Variants in ADAMTS18 observed in about 807,000 individuals in gnomAD.
ADAMTS18 encodes A disintegrin and metalloproteinase with thrombospondin motifs 18.
Under a neutral mutation model 165.9 loss-of-function variants are expected in ADAMTS18, and 157 were observed. The ratio of observed to expected loss-of-function variants is 0.95; its 90% CI spans 0.83 to 1.08. ADAMTS18 has a LOEUF of 1.08. ADAMTS18 is among the 50% of genes least tolerant of loss of function. The probability of loss-of-function intolerance (pLI) is 0.00; values close to 1 mark genes in which losing one functional copy is unlikely to be tolerated. For synonymous variants in ADAMTS18, 782 were observed against 578.2 expected, an observed-to-expected ratio of 1.35 and a Z score of -5.06; for missense variants, 2,040 against 1,534.0, an observed-to-expected ratio of 1.33 and a Z score of -5.51.
intron 3 of ADAMTS18, among the ~76,000 whole-genome samples, chr16:77,422,239 C>T (rs180908603): frequency 3.6e-4 from 55 of 152,042 alleles, no homozygotes; most frequent in East Asian, 1.4e-3. Flanking sequence ...AGGTGAGAGA[C>T]CATATAAAGC....
At chr16:77,302,905 T>C (rs2055611899) in intron 16 of ADAMTS18, among the ~76,000 whole-genome samples, 1 of 152,172 alleles carries the variant, frequency 6.6e-6, no homozygotes, top group Non-Finnish European at 1.5e-5. Context: ...AGAAAAAGAC[T>C]GTGATGATAA....
chr16:77,430,615 C>T (rs947099790), intron 3 of ADAMTS18, among the ~76,000 whole-genome samples: 3 of 152,162 alleles, frequency 2.0e-5, no homozygotes, highest in Non-Finnish European at 4.4e-5. Flanking sequence ...TTTACCGCCT[C>T]GTATATTTGA....
chr16:77,434,430 C>T lies in ADAMTS18; in HGVS notation c.166G>A (p.Gly56Arg), dbSNP rs201304352. ...LASDSSSGAS[G>R]LNDDYVFVTP... Reference sequence around the variant, plus strand: ...GGCAAATACGAACCATCATTTAATCCGCTGGCGCCGCTGCTGCTGTCACTG... The same window carrying T: ...GGCAAATACGAACCATCATTTAATCTGCTGGCGCCGCTGCTGCTGTCACTG... The change falls in exon 2 of 23, where the codon GGA becomes AGA. Residue 56 changes from glycine (G) to arginine (R), a missense_variant. By Grantham distance (125) the Gly-to-Arg change is moderately radical (BLOSUM62 -2). Transcript: ENST00000282849. 1.7e-5 allele frequency: 26 copies of T among 1,571,076 alleles called. No homozygotes were observed. In the South Asian group the frequency reaches 2.4e-4, roughly 15 times the overall value.
intron 3 of ADAMTS18, among the ~76,000 whole-genome samples, chr16:77,418,294 A>C (rs2057555997): frequency 6.6e-6 from 1 of 152,202 alleles, no homozygotes; most frequent in South Asian, 2.1e-4. Flanking sequence ...GTTACTCTGA[A>C]AAAAATAAAC....
At chr16:77,373,020 C>A (rs2056898201) in intron 3 of ADAMTS18, among the ~76,000 whole-genome samples, 1 of 152,170 alleles carries the variant, frequency 6.6e-6, no homozygotes, top group African/African-American at 2.4e-5. Flanking sequence ...AAACAGGACG[C>A]TCCTTTCACT....
At chr16:77,293,382 T>C in intron 19 of ADAMTS18, 124 bp from the exon 20 acceptor site, 1 of 846,944 alleles carries the variant, frequency 1.2e-6, no homozygotes, top group Non-Finnish European at 1.9e-6. Context: ...ACTAAAGCTC[T>C]TTTTACGAGA....
chr16:77,325,808 G>A lies in ADAMTS18; in HGVS notation c.2032+58C>T. 3.3e-6 allele frequency: 5 copies of A among 1,531,304 alleles called. No homozygotes were observed. In the South Asian group the frequency reaches 4.7e-5, roughly 14 times the overall value. The allele number at this position is 1,531,304 out of a possible 1,614,324, so 94.9% of individuals were successfully genotyped here. A position where few individuals can be genotyped will look rare whatever the true frequency, so the allele number is the denominator to read the frequency against. ...ACAAGCAGCAATTTCTTCTGTATTG[G>A]TCAATCACATTATTATCCACATAGA... On this transcript the variant is annotated intron_variant, in intron 13 of 22. Coordinates refer to ENST00000282849, the MANE Select transcript of ADAMTS18 (RefSeq NM_199355.4).
intron 13 of ADAMTS18, among the ~76,000 whole-genome samples, chr16:77,325,076 A>T (rs751791348): frequency 1.3e-5 from 2 of 152,212 alleles, no homozygotes; most frequent in Admixed American, 6.5e-5. Context: ...ATATAGGTTC[A>T]TGTTGCGCTT....
At chr16:77,418,100 T>A (rs1183904481) in intron 3 of ADAMTS18, among the ~76,000 whole-genome samples, 3 of 152,148 alleles carry the variant, frequency 2.0e-5, no homozygotes, top group Non-Finnish European at 4.4e-5. Flanking sequence ...GGAGTCTGGG[T>A]TGTCATGCTG....
intron 2 of ADAMTS18, 133 bp downstream of exon 2, chr16:77,434,285 C>A: frequency 1.9e-6 from 2 of 1,070,388 alleles, no homozygotes; most frequent in Non-Finnish European, 2.7e-6. Context: ...CCTCTCCAAA[C>A]AGGAACCATT....
At chr16:77,408,963 T>TAAA (rs2057426753) in intron 3 of ADAMTS18, among the ~76,000 whole-genome samples, 4 of 152,154 alleles carry the variant, frequency 2.6e-5, no homozygotes, top group Non-Finnish European at 5.9e-5. Flanking sequence ...ACAGTATATG[T>TAAA]TACACTTGTT....
At chr16:77,288,138 A>G (rs962727272) in intron 22 of ADAMTS18, among the ~76,000 whole-genome samples, 2 of 152,140 alleles carry the variant, frequency 1.3e-5, no homozygotes, top group Non-Finnish European at 2.9e-5. Flanking sequence ...CAAAAATAAC[A>G]AGACAAATGG....
chr16:77,357,525 G>T (rs1287754858), intron 8 of ADAMTS18, among the ~76,000 whole-genome samples: 1 of 152,090 alleles, frequency 6.6e-6, no homozygotes, highest in Non-Finnish European at 1.5e-5. Flanking sequence ...AAAACAGAAA[G>T]AAACCTATAA....
At chr16:77,340,239 A>G (rs1446581473) in intron 11 of ADAMTS18, among the ~76,000 whole-genome samples, 1 of 152,168 alleles carries the variant, frequency 6.6e-6, no homozygotes, top group Non-Finnish European at 1.5e-5. Context: ...CAGTGGCACA[A>G]TCTCCACTTC....
intron 21 of ADAMTS18, 101 bp from the exon 22 acceptor site, chr16:77,289,512 G>A (rs1567454000): frequency 7.2e-7 from 1 of 1,397,888 alleles, no homozygotes; most frequent in Non-Finnish European, 1.0e-6. Flanking sequence ...CAAGATGCCT[G>A]CTGATGAAAC....
At chr16:77,402,721 G>A (rs752145396) in intron 3 of ADAMTS18, among the ~76,000 whole-genome samples, 1 of 152,138 alleles carries the variant, frequency 6.6e-6, no homozygotes, top group Non-Finnish European at 1.5e-5. Context: ...CAAAGTGAAG[G>A]CTGGATGAGC....
At chr16:77,370,887 A>T (rs905218150) in intron 3 of ADAMTS18, among the ~76,000 whole-genome samples, 1 of 152,180 alleles carries the variant, frequency 6.6e-6, no homozygotes. Context: ...CTGATGAAAC[A>T]AATTGAAGAG....
chr16:77,305,452 T>A (rs1318544011), intron 16 of ADAMTS18, among the ~76,000 whole-genome samples: 1 of 152,148 alleles, frequency 6.6e-6, no homozygotes, highest in South Asian at 2.1e-4. Context: ...TCAACAGTCA[T>A]TGTTTGAAAA....
chr16:77,305,812 G>A (rs1308053402), intron 16 of ADAMTS18, among the ~76,000 whole-genome samples: 2 of 152,166 alleles, frequency 1.3e-5, no homozygotes, highest in Non-Finnish European at 2.9e-5. Context: ...CCCTGGAGAG[G>A]TGTGCATAGA....
Sources: gnomAD v4.1 joint callset for allele counts (sites outside exome capture counted in the v4.1 genomes callset) on GRCh38, gnomAD v4.1.1 for gene constraint, MANE v1.5 for transcripts, NCBI Gene and HGNC (gene_info 2026-07-23, HGNC 2026-07-21) for gene names.